PCSK6: variants seen among roughly 807,000 people sequenced by gnomAD.
The protein encoded by PCSK6 is proprotein convertase subtilisin/kexin type 6, also known as paired basic amino acid cleaving enzyme 4.
In PCSK6, 85 loss-of-function variants were observed where a neutral mutation model predicts 123.3. The ratio of observed to expected loss-of-function variants is 0.69; its 90% confidence interval spans 0.58 to 0.83. The LOEUF is 0.83. PCSK6 is among the 40% of genes least tolerant of loss of function. PCSK6 has a pLI of 0.00. For missense variants in PCSK6, 1,191 were observed against 1,282.3 expected, an observed-to-expected ratio of 0.93 and a Z score of 1.09; for synonymous variants, 508 against 516.0, an observed-to-expected ratio of 0.98 and a Z score of 0.21.
At chr15:101,446,560 C>A (rs926085781) in intron 1 of PCSK6, among the ~76,000 whole-genome samples, 48 of 152,210 alleles carry the variant, frequency 3.2e-4, no homozygotes, top group Non-Finnish European at 1.2e-4. Flanking sequence ...CCTTTCCCTA[C>A]TGTTCATGGC....
chr15:101,457,680 C>T lies in PCSK6; in HGVS notation c.298-14020G>A, dbSNP rs148245854. On this transcript the variant is annotated intron_variant, in intron 1 of 21. Coordinates refer to ENST00000611716, the MANE Select transcript of PCSK6 (RefSeq NM_002570.5). ...CCCACCTAGACGGAGCCATACAGGGCCAAGGTGAACAGTACAGGGTGCAGG... is the reference window on the plus strand; with the variant it reads ...CCCACCTAGACGGAGCCATACAGGGTCAAGGTGAACAGTACAGGGTGCAGG... Among the ~76,000 whole-genome samples the T allele has an allele frequency of 1.7e-3, 262 of 152,284 alleles. 1 individual carries two copies. Among genetic ancestry groups the T allele is most frequent in the Non-Finnish European group, 2.6e-3 (175 of 68,032 alleles).
At chr15:101,442,084 T>C (rs1363929573) in intron 2 of PCSK6, among the ~76,000 whole-genome samples, 3 of 152,200 alleles carry the variant, frequency 2.0e-5, no homozygotes, top group South Asian at 2.1e-4. Context: ...ATCTGGCTTT[T>C]TTCCTAGAGG....
At chr15:101,320,236 C>G (rs890042308) in intron 18 of PCSK6, among the ~76,000 whole-genome samples, 1 of 152,162 alleles carries the variant, frequency 6.6e-6, no homozygotes, top group African/African-American at 2.4e-5. Flanking sequence ...CAGGCGTGCA[C>G]CACCATGTCT....
chr15:101,380,960 C>T (rs1457687642), intron 11 of PCSK6, among the ~76,000 whole-genome samples: 1 of 152,176 alleles, frequency 6.6e-6, no homozygotes, highest in Admixed American at 6.5e-5. Context: ...AAACACCGTT[C>T]TCCTTAAAAA....
At chr15:101,389,427 A>AT (rs33912717) in intron 9 of PCSK6, 37 bp downstream of exon 9, 1,020 of 1,321,722 alleles carry the variant, frequency 7.7e-4, no homozygotes, top group East Asian at 6.7e-3. Flanking sequence ...CAATCTAAAC[A>AT]TTTTTTTTTT....
At chr15:101,373,405 C>T (rs1037885128) in intron 11 of PCSK6, among the ~76,000 whole-genome samples, 9 of 152,186 alleles carry the variant, frequency 5.9e-5, no homozygotes, top group African/African-American at 1.9e-4. Context: ...CAGTTACAGG[C>T]CACCAGGACT....
At chr15:101,409,543 C>T (rs1226884624) in intron 6 of PCSK6, among the ~76,000 whole-genome samples, 1 of 149,664 alleles carries the variant, frequency 6.7e-6, no homozygotes, top group Non-Finnish European at 1.5e-5. Context: ...CGAGATCGTG[C>T]CACTGCACTC....
In PCSK6 at chr15:101,393,503, A is replaced by G. The variant is rs528671555; in HGVS notation, c.997-79T>C. The G allele has an allele frequency of 9.9e-5, 104 of 1,054,196 alleles. 1 individual carries two copies. The South Asian group carries it at 1.5e-3, about 15-fold the overall frequency. The allele number at this position is 1,054,196 out of a possible 1,614,324, so 65.3% of individuals were successfully genotyped here. A position where few individuals can be genotyped will look rare whatever the true frequency, so the allele number is the denominator to read the frequency against. On this transcript the variant is annotated intron_variant, in intron 7 of 21. Transcript: ENST00000611716. ...GGTCTCCCCCCGAACCTAGAGTCCC[A>G]TCTCCCAAATGTTCCTTCAAAGGGA... is the stretch of plus-strand genomic sequence containing the variant.
chr15:101,423,336 T>G (rs546026598), intron 6 of PCSK6, among the ~76,000 whole-genome samples: 12 of 151,772 alleles, frequency 7.9e-5, no homozygotes, highest in Non-Finnish European at 1.5e-5. Flanking sequence ...CTCAGCTCAC[T>G]GCAACCTCCG....
chr15:101,437,334 C>T (rs1008487815), intron 2 of PCSK6, among the ~76,000 whole-genome samples: 1 of 152,236 alleles, frequency 6.6e-6, no homozygotes, highest in Non-Finnish European at 1.5e-5. Flanking sequence ...GCAGCACTGG[C>T]TCACCTAGGG....
chr15:101,327,579 A>T (rs2040284664), intron 15 of PCSK6, among the ~76,000 whole-genome samples: 1 of 152,176 alleles, frequency 6.6e-6, no homozygotes, highest in Non-Finnish European at 1.5e-5. Context: ...GGTGTGAGTT[A>T]TGAGAGGGGA....
chr15:101,489,290 C>A (rs1421600200), intron 1 of PCSK6, 84 bp downstream of exon 1: 6 of 872,786 alleles, frequency 6.9e-6, no homozygotes, highest in Non-Finnish European at 8.4e-6. Flanking sequence ...CGGGGCCGGG[C>A]GGACAGGACT....
intron 1 of PCSK6, among the ~76,000 whole-genome samples, chr15:101,485,567 G>A (rs1365739647): frequency 1.3e-5 from 2 of 152,186 alleles, no homozygotes; most frequent in East Asian, 1.9e-4. Flanking sequence ...GGAATGTACT[G>A]TTGTGTAATG....
intron 15 of PCSK6, among the ~76,000 whole-genome samples, chr15:101,327,191 C>T (rs2040275089): frequency 6.6e-6 from 1 of 152,174 alleles, no homozygotes; most frequent in African/African-American, 2.4e-5. Flanking sequence ...GCTGTGTCTT[C>T]CCTCAAGTTC....
At chr15:101,308,121 A>C (rs1039851565) in intron 20 of PCSK6, 1 of 152,262 alleles carries the variant, frequency 6.6e-6, no homozygotes, top group Admixed American at 6.5e-5. Context: ...GCACTTGCCG[A>C]TGCGGGCCGA....
intron 9 of PCSK6, 78 bp from the exon 10 acceptor site, chr15:101,384,503 C>G (rs140573314): frequency 6.7e-6 from 8 of 1,199,508 alleles, no homozygotes; most frequent in Non-Finnish European, 9.6e-6. Flanking sequence ...GGCAGGGGGT[C>G]GGCAGCCAAC....
At chr15:101,436,446 T>C (rs376553788) in intron 2 of PCSK6, among the ~76,000 whole-genome samples, 1 of 152,142 alleles carries the variant, frequency 6.6e-6, no homozygotes, top group Non-Finnish European at 1.5e-5. Flanking sequence ...TTTTCTCTTT[T>C]CTCCCTGGTT....
At chr15:101,463,349 A>T (rs934332099) in intron 1 of PCSK6, among the ~76,000 whole-genome samples, 1 of 152,140 alleles carries the variant, frequency 6.6e-6, no homozygotes, top group Non-Finnish European at 1.5e-5. Flanking sequence ...TGCTCTACCA[A>T]GGAGACTTGT....
chr15:101,334,423 G>A (rs925570229), intron 13 of PCSK6: 13 of 144,760 alleles, frequency 9.0e-5, no homozygotes, highest in Non-Finnish European at 1.5e-4. Context: ...TGTTCTCACC[G>A]CTGCAGCAGT....
Sources: allele counts gnomAD v4.1 joint callset (sites outside exome capture counted in the v4.1 genomes callset), GRCh38; gene constraint gnomAD v4.1.1; transcripts MANE v1.5; gene names NCBI Gene and HGNC (gene_info 2026-07-23, HGNC 2026-07-21).